The following SIN3A variants were observed in gnomAD, a reference collection of about 807,000 sequenced individuals.
SIN3A encodes the protein paired amphipathic helix protein Sin3a.
Under a neutral mutation model 146.1 loss-of-function variants are expected in SIN3A, and 14 were observed. The observed-to-expected ratio is 0.10, with a 90% CI of 0.06 to 0.15. SIN3A has a LOEUF of 0.15. SIN3A is among the 10% of genes least tolerant of loss of function. The pLI, the probability that SIN3A is intolerant of heterozygous loss-of-function variation, is 1.00. For synonymous variants in SIN3A, 572 were observed against 572.0 expected, an observed-to-expected ratio of 1.00 and a Z score of 0.00; for missense variants, 1,028 against 1,576.0, an observed-to-expected ratio of 0.65 and a Z score of 5.89.
intron 2 of SIN3A, among the ~76,000 whole-genome samples, chr15:75,424,158 C>A (rs1040484800): frequency 1.3e-5 from 2 of 152,034 alleles, no homozygotes; most frequent in Non-Finnish European, 2.9e-5. Context: ...ACCCGCCGGG[C>A]GTGGTGGCTC....
chr15:75,399,635 T>C (rs1186209118), intron 12 of SIN3A, among the ~76,000 whole-genome samples: 2 of 152,222 alleles, frequency 1.3e-5, no homozygotes, highest in Non-Finnish European at 2.9e-5. Flanking sequence ...TTGCTAACCA[T>C]GGCAAGATAC....
At chr15:75,443,463 C>G (rs1322954449) in intron 1 of SIN3A, 1 of 152,200 alleles carries the variant, frequency 6.6e-6, no homozygotes, top group Admixed American at 6.5e-5. Flanking sequence ...TGCCTGGAAT[C>G]CCAGCACTTT....
At chr15:75,418,808 G>A (rs1394699956) in intron 3 of SIN3A, among the ~76,000 whole-genome samples, 3 of 152,182 alleles carry the variant, frequency 2.0e-5, no homozygotes, top group Admixed American at 2.0e-4. Flanking sequence ...AGGCTGGAGT[G>A]CAGTGGCGCT....
chr15:75,429,647 C>G (rs577220660), intron 2 of SIN3A, among the ~76,000 whole-genome samples: 1 of 152,240 alleles, frequency 6.6e-6, no homozygotes, highest in South Asian at 2.1e-4. Flanking sequence ...ACTGAGTGCA[C>G]TAAGACAATA....
intron 16 of SIN3A, 115 bp downstream of exon 16, chr15:75,389,537 C>A (rs2073158147): frequency 1.0e-6 from 1 of 990,198 alleles, no homozygotes; most frequent in Non-Finnish European, 1.5e-6. Context: ...CTCTTCAGAA[C>A]CCTACGTTCA....
At chr15:75,434,466 A>G (rs986053028) in intron 1 of SIN3A, among the ~76,000 whole-genome samples, 4 of 152,054 alleles carry the variant, frequency 2.6e-5, no homozygotes, top group Non-Finnish European at 5.9e-5. Flanking sequence ...ACCGGCCAAC[A>G]TGGTGAAACC....
chr15:75,402,976 T>C (rs1403395098), intron 9 of SIN3A, among the ~76,000 whole-genome samples: 2 of 151,994 alleles, frequency 1.3e-5, no homozygotes, highest in Admixed American at 6.6e-5. Context: ...TACTAAAATA[T>C]GTATGGATGA....
At chr15:75,372,238 A>C in intron 20 of SIN3A, 29 bp from the exon 21 acceptor site, 1 of 1,489,950 alleles carries the variant, frequency 6.7e-7, no homozygotes, top group Non-Finnish European at 9.1e-7. Flanking sequence ...AAATTTTATT[A>C]AATGAAGCAG....
intron 8 of SIN3A, among the ~76,000 whole-genome samples, chr15:75,408,504 C>T (rs2073563648): frequency 6.6e-6 from 1 of 152,200 alleles, no homozygotes; most frequent in Non-Finnish European, 1.5e-5. Context: ...TCTGTCTCTT[C>T]TATATTACAT....
chr15:75,423,762 G>A (rs1567390288), intron 2 of SIN3A, among the ~76,000 whole-genome samples: 1 of 152,102 alleles, frequency 6.6e-6, no homozygotes, highest in African/African-American at 2.4e-5. Flanking sequence ...GGAGGCCCAG[G>A]CAGACAGATC....
At position 75,389,186 on chromosome 15, in the gene SIN3A, C is replaced by T. The variant is rs1030131021; in HGVS notation, c.3021+466G>A. Among the ~76,000 whole-genome samples, 5 of 152,110 alleles carry T rather than the reference C, an allele frequency of 3.3e-5. 1 individual carries two copies. The highest frequency in any genetic ancestry group is 3.9e-4 in the East Asian group (2 of 5,174). On this transcript the variant is annotated intron_variant, in intron 16 of 20. Coordinates refer to ENST00000394947, the MANE Select transcript of SIN3A (RefSeq NM_001145358.2). The stretch of plus-strand genomic sequence containing the variant: ...AAGAGTTACCAACACCTTGACCAGG[C>T]GCAGTGGCTCGTGTCTATAATCCCA...
chr15:75,396,523 G>T, intron 12 of SIN3A, 27 bp from the exon 13 acceptor site: 1 of 1,494,042 alleles, frequency 6.7e-7, no homozygotes, highest in Non-Finnish European at 9.3e-7. Flanking sequence ...AGAAGGGTAT[G>T]CTCAGGACCC....
At chr15:75,444,024 T>C (rs1056502140) in intron 1 of SIN3A, among the ~76,000 whole-genome samples, 7 of 152,206 alleles carry the variant, frequency 4.6e-5, no homozygotes, top group Non-Finnish European at 8.8e-5. Flanking sequence ...TATTTGAGAA[T>C]TGATGAGTAA....
chr15:75,448,056 T>G (rs1192504674), intron 1 of SIN3A: 5 of 151,844 alleles, frequency 3.3e-5, no homozygotes, highest in African/African-American at 1.2e-4. Context: ...CACACACCTG[T>G]AGTCCCAGCT....
intron 9 of SIN3A, among the ~76,000 whole-genome samples, chr15:75,404,890 G>A (rs7172092): frequency 0.02 from 2,985 of 152,254 alleles, 103 homozygotes; most frequent in African/African-American, 0.068. Flanking sequence ...TCAACACTTT[G>A]GAAGGCAAAT....
chr15:75,430,327 G>A lies in SIN3A; in HGVS notation c.49C>T (p.Gln17Ter). Residue 17 changes from glutamine to a stop codon, truncating the protein, a stop_gained, in exon 2 of 21, where the codon CAG becomes TAG. Coordinates refer to ENST00000394947, the MANE Select transcript of SIN3A (RefSeq NM_001145358.2). LOFTEE classifies it high-confidence loss of function. ...TCTGTGCTGCCAGGGATCCGACGCT[G>A]CTGGGCTGCATACACCGGTGACTCC... Reference protein sequence around the residue: ...DQESPVYAAQQRRIPGSTEAF... With the variant: ...DQESPVYAAQ 1 of 1,614,136 alleles carries A rather than the reference G, an allele frequency of 6.2e-7. No homozygotes were observed. The highest frequency in any genetic ancestry group is 8.5e-7 in the Non-Finnish European group (1 of 1,180,018).
At chr15:75,386,016 C>T (rs1361141682) in intron 16 of SIN3A, among the ~76,000 whole-genome samples, 1 of 152,144 alleles carries the variant, frequency 6.6e-6, no homozygotes, top group Non-Finnish European at 1.5e-5. Context: ...CATACAGATG[C>T]TTCCACTTTC....
At position 75,412,861 on chromosome 15, in the gene SIN3A, G is replaced by A. The variant is rs539016352; in HGVS notation, c.658C>T (p.Pro220Ser). ...GAAGGATGTTGGGGTGGTGGTTGAG[G>A]CTGTGGCTGGATGCCATGGGTGGGA... ...QIPTHGIQPQ[P>S]QPPPQHPSQP... The change falls in exon 5 of 21, where the codon CCT (proline) becomes TCT (serine). Residue 220 changes from proline (P) to serine (S), a missense_variant. By Grantham distance (74) the Pro-to-Ser change is moderately conservative (BLOSUM62 -1). This residue lies in a region of SIN3A where 112 missense variants were observed against 135.7 expected (regional missense o/e 0.83). Transcript: ENST00000394947. 1 of 1,613,590 alleles carries A rather than the reference G, an allele frequency of 6.2e-7. No individual in the cohort carries two copies. The highest frequency in any genetic ancestry group is 8.5e-7 in the Non-Finnish European group (1 of 1,179,760).
chr15:75,448,011 A>G (rs927701797), intron 1 of SIN3A: 1 of 151,976 alleles, frequency 6.6e-6, no homozygotes, highest in African/African-American at 2.4e-5. Flanking sequence ...TCACCTCTAT[A>G]AAAATATAAA....
Sources: allele counts gnomAD v4.1 joint callset (sites outside exome capture counted in the v4.1 genomes callset), GRCh38; gene constraint gnomAD v4.1.1; regional missense constraint gnomAD v4.1.1; transcripts MANE v1.5; gene names NCBI Gene and HGNC (gene_info 2026-07-23, HGNC 2026-07-21).